Variants in DNAH14 observed in about 807,000 individuals in gnomAD.
DNAH14 encodes the protein axonemal beta dynein heavy chain 14.
A neutral mutation model predicts 520.9 loss-of-function variants in DNAH14; 478 were observed. The ratio of observed to expected loss-of-function variants is 0.92; its 90% CI spans 0.85 to 0.99. DNAH14 has a LOEUF of 0.99. DNAH14 is among the 50% of genes least tolerant of loss of function. DNAH14 has a pLI of 0.00. For synonymous variants in DNAH14, 1,581 were observed against 1,757.2 expected (o/e 0.90, Z 2.51); for missense variants, 4,831 against 5,234.5 (o/e 0.92, Z 2.38).
At chr1:225,223,109 C>G (rs1008310911) in intron 41 of DNAH14, among the ~76,000 whole-genome samples, 1 of 152,254 alleles carries the variant, frequency 6.6e-6, no homozygotes, top group Admixed American at 6.5e-5. Context: ...TGAGCCCCCT[C>G]CTCCTGTAAA....
intron 64 of DNAH14, among the ~76,000 whole-genome samples, chr1:225,331,141 T>C (rs1014636298): frequency 7.2e-5 from 11 of 152,026 alleles, no homozygotes; most frequent in African/African-American, 2.4e-4. Context: ...AAATAAGATA[T>C]AAAATTTTAT....
chr1:225,184,824 G>A (rs2084487031), intron 36 of DNAH14, among the ~76,000 whole-genome samples: 1 of 151,984 alleles, frequency 6.6e-6, no homozygotes, highest in Non-Finnish European at 1.5e-5. Flanking sequence ...ATAGGTGGAA[G>A]CTAAAAGCAT....
rs74147113 is a variant in DNAH14 at position 225,117,979 on chromosome 1, G to A, written c.4071G>A (p.Gly1357=). 7.5e-3 allele frequency: 11,667 copies of A among 1,549,880 alleles called. 293 individuals are homozygous for A. In the African/African-American group the frequency reaches 0.078, roughly 10 times the overall value. ...PAVKMLISAE[G]EGLVLPKKIR... The stretch of plus-strand genomic sequence containing the variant: ...TAAAAATGCTAATATCTGCTGAAGG[G>A]GAAGGTCTCGTGCTGCCAAAGTATG... Residue 1357 remains glycine, a synonymous_variant, in exon 25 of 86, where the codon GGG becomes GGA. Transcript: ENST00000682510.
chr1:225,212,933 T>C (rs1157106416), intron 41 of DNAH14, among the ~76,000 whole-genome samples: 2 of 152,216 alleles, frequency 1.3e-5, no homozygotes, highest in Admixed American at 6.5e-5. Flanking sequence ...TTTGTCAATT[T>C]TGGCTTTTGT....
chr1:225,250,346 T>C (rs575251197), intron 43 of DNAH14, among the ~76,000 whole-genome samples: 1 of 152,348 alleles, frequency 6.6e-6, no homozygotes, highest in South Asian at 2.1e-4. Context: ...TAATGATGTA[T>C]AATAAGGGAC....
intron 28 of DNAH14, among the ~76,000 whole-genome samples, chr1:225,141,949 AG>A (rs1358555200): frequency 6.6e-6 from 1 of 152,192 alleles, no homozygotes; most frequent in Non-Finnish European, 1.5e-5. Context: ...TCCTTATTTT[AG>A]GTATGACAGT....
chr1:225,185,449 G>A (rs993078398), intron 37 of DNAH14, 24 bp downstream of exon 37: 5 of 1,500,026 alleles, frequency 3.3e-6, no homozygotes, highest in Non-Finnish European at 4.4e-6. Flanking sequence ...TAAATAAAAT[G>A]TTTCTCTATT....
intron 1 of DNAH14, among the ~76,000 whole-genome samples, chr1:224,934,330 G>A (rs2058889408): frequency 6.6e-6 from 1 of 151,828 alleles, no homozygotes; most frequent in African/African-American, 2.4e-5. Flanking sequence ...AAAGAGATAA[G>A]ATTCTTTTGA....
At chr1:225,005,547 G>A (rs1185469538) in intron 9 of DNAH14, among the ~76,000 whole-genome samples, 1 of 152,084 alleles carries the variant, frequency 6.6e-6, no homozygotes, top group Non-Finnish European at 1.5e-5. Context: ...GACCAGAAAG[G>A]CAGGGAAATT....
intron 45 of DNAH14, among the ~76,000 whole-genome samples, chr1:225,258,598 C>T (rs1234396811): frequency 1.3e-5 from 2 of 152,144 alleles, no homozygotes; most frequent in African/African-American, 4.8e-5. Flanking sequence ...TGTTGCATAG[C>T]ACCAGAGGCA....
At chr1:225,266,094 G>A (rs562185010) in intron 48 of DNAH14, among the ~76,000 whole-genome samples, 257 of 152,176 alleles carry the variant, frequency 1.7e-3, no homozygotes, top group Non-Finnish European at 2.1e-3. Context: ...ATTTTCAAAG[G>A]TGGACATTAA....
chr1:225,239,931 C>T (rs1293414532), intron 42 of DNAH14, among the ~76,000 whole-genome samples: 1 of 152,130 alleles, frequency 6.6e-6, no homozygotes, highest in Admixed American at 6.5e-5. Context: ...TTAAATCAGG[C>T]TCAAATCTCA....
At chr1:225,274,227 C>T (rs1272046490) in intron 52 of DNAH14, among the ~76,000 whole-genome samples, 8 of 79,594 alleles carry the variant, frequency 1.0e-4, no homozygotes, top group African/African-American at 1.5e-4. Flanking sequence ...TTTTTTGAGA[C>T]GGAGTCTCGT....
chr1:225,373,776 C>T (rs1331708968), intron 77 of DNAH14, among the ~76,000 whole-genome samples: 1 of 151,920 alleles, frequency 6.6e-6, no homozygotes, highest in Non-Finnish European at 1.5e-5. Context: ...CAAACAACAG[C>T]AATTAAACAG....
At chr1:225,368,176 T>A in intron 77 of DNAH14, 144 bp downstream of exon 77, 1 of 717,644 alleles carries the variant, frequency 1.4e-6, no homozygotes, top group Non-Finnish European at 2.2e-6. Context: ...GGCTAACGTT[T>A]AGAAACATGG....
At chr1:225,100,936 A>T in intron 23 of DNAH14, 52 bp downstream of exon 23, 1 of 1,369,356 alleles carries the variant, frequency 7.3e-7, no homozygotes, top group Non-Finnish European at 9.7e-7. Context: ...AAGTAAAGTA[A>T]AAGTGATATA....
intron 84 of DNAH14, chr1:225,396,498 A>ACT (rs2096012701): frequency 6.6e-6 from 1 of 152,174 alleles, no homozygotes; most frequent in Non-Finnish European, 1.5e-5. Context: ...AGTCTAGCTG[A>ACT]CTCTACACCC....
chr1:225,043,170 CTG>C, intron 13 of DNAH14, 56 bp downstream of exon 13: 1 of 1,477,174 alleles, frequency 6.8e-7, no homozygotes, highest in Non-Finnish European at 9.0e-7. Context: ...TGGCTCATGC[CTG>C]CAATCCTGGC....
rs768991670 is a variant in DNAH14 at position 224,964,553 on chromosome 1, C to G, written c.442C>G (p.Gln148Glu). Residue 148 changes from glutamine (Q) to glutamate (E), a missense_variant, in exon 5 of 86, where the codon CAG becomes GAG. By Grantham distance (29) the Gln-to-Glu change is conservative (BLOSUM62 2). Coordinates refer to ENST00000682510, the MANE Select transcript of DNAH14 (RefSeq NM_001367479.1). ...EKLGWQTILP[Q>E]HSLKYGSSKI... ...GCTTGGTTGGCAAACTATATTACCG[C>G]AGCACAGTTTGAAATACGGAAGCTC... is the stretch of plus-strand genomic sequence containing the variant. The G allele has an allele frequency of 1.3e-5, 21 of 1,608,282 alleles. No homozygotes were observed. The Admixed American group carries it at 2.7e-4, about 20-fold the overall frequency.
Sources: allele counts gnomAD v4.1 joint callset (sites outside exome capture counted in the v4.1 genomes callset), GRCh38; gene constraint gnomAD v4.1.1; transcripts MANE v1.5; gene names NCBI Gene and HGNC (gene_info 2026-07-23, HGNC 2026-07-21).